The following RALYL variants were observed in gnomAD, a reference collection of about 807,000 sequenced individuals.
The protein encoded by RALYL is RALY RNA binding protein like, also known as RNA-binding Raly-like protein.
RALYL carries 29 observed loss-of-function variants against 35.1 expected under a neutral mutation model. That is an observed-to-expected ratio of 0.83 (90% confidence interval 0.61 to 1.13). The LOEUF (loss-of-function observed/expected upper bound fraction) is 1.13, where lower values mean the gene tolerates loss of function less well. RALYL is among the 50% of genes most tolerant of loss of function. The probability of loss-of-function intolerance (pLI) is 0.00; values close to 1 mark genes in which losing one functional copy is unlikely to be tolerated. For missense variants in RALYL, 359 were observed against 360.4 expected, an observed-to-expected ratio of 1.00 and a Z score of 0.03; for synonymous variants, 120 against 127.6, an observed-to-expected ratio of 0.94 and a Z score of 0.40.
intron 1 of RALYL, among the ~76,000 whole-genome samples, chr8:84,395,612 T>C (rs1861610091): frequency 6.6e-6 from 1 of 151,952 alleles, no homozygotes; most frequent in Non-Finnish European, 1.5e-5. Flanking sequence ...TTAAATAACA[T>C]TTGGCACATT....
intron 2 of RALYL, among the ~76,000 whole-genome samples, chr8:84,743,447 A>C (rs1217252540): frequency 6.6e-6 from 1 of 152,018 alleles, no homozygotes; most frequent in Non-Finnish European, 1.5e-5. Flanking sequence ...ACAAAAAAAA[A>C]AAGTGTCTCT....
chr8:84,813,163 T>C (rs1008650261), intron 4 of RALYL, among the ~76,000 whole-genome samples: 6 of 152,182 alleles, frequency 3.9e-5, no homozygotes, highest in Non-Finnish European at 8.8e-5. Flanking sequence ...TCGGAAACTT[T>C]TCTGCCACAA....
chr8:84,303,009 T>C (rs565761449), intron 1 of RALYL, among the ~76,000 whole-genome samples: 1 of 152,292 alleles, frequency 6.6e-6, no homozygotes, highest in East Asian at 1.9e-4. Flanking sequence ...AATTTTAATA[T>C]TGATGTTAAT....
chr8:84,536,758 T>G (rs2059637701), intron 2 of RALYL, among the ~76,000 whole-genome samples: 1 of 152,190 alleles, frequency 6.6e-6, no homozygotes, highest in Admixed American at 6.5e-5. Context: ...CCTCAGTGTC[T>G]AAAGAAGATA....
chr8:84,824,014 G>A (rs1204257394), intron 4 of RALYL, among the ~76,000 whole-genome samples: 1 of 152,020 alleles, frequency 6.6e-6, no homozygotes, highest in Admixed American at 6.6e-5. Flanking sequence ...GCTAGCCAGA[G>A]CAATCAGTCA....
chr8:84,424,843 C>T (rs1464921898), intron 1 of RALYL, among the ~76,000 whole-genome samples: 1 of 151,930 alleles, frequency 6.6e-6, no homozygotes, highest in Non-Finnish European at 1.5e-5. Flanking sequence ...CTGGGGGGTG[C>T]CTCCCAGTTA....
intron 2 of RALYL, among the ~76,000 whole-genome samples, chr8:84,539,589 C>A (rs2135202273): frequency 6.6e-6 from 1 of 151,984 alleles, no homozygotes; most frequent in Middle Eastern, 3.4e-3. Context: ...ATCTTTGCCT[C>A]TTCTTTGGCC....
rs1482497921 is a variant in RALYL at position 84,468,080 on chromosome 8, G to A, written c.-23-61219G>A. Reference sequence around the variant, plus strand: ...TTTCCTGAATACAGCACACTGATAGGTCTTGACTCTTTATCCAATTTGCCA... The same window carrying A: ...TTTCCTGAATACAGCACACTGATAGATCTTGACTCTTTATCCAATTTGCCA... On this transcript the variant is annotated intron_variant, in intron 1 of 8. Transcript: ENST00000521268. Among the ~76,000 whole-genome samples the A allele has an allele frequency of 1.3e-4, 20 of 151,080 alleles. No individual in the cohort carries two copies. The South Asian group carries it at 1.9e-3, about 15-fold the overall frequency.
At chr8:84,630,783 A>C (rs943046993) in intron 2 of RALYL, among the ~76,000 whole-genome samples, 4 of 152,064 alleles carry the variant, frequency 2.6e-5, no homozygotes, top group African/African-American at 7.2e-5. Context: ...ACATCTGTGA[A>C]GGAGAGTAGA....
chr8:84,772,588 T>C (rs538183657), intron 2 of RALYL, among the ~76,000 whole-genome samples: 36 of 152,206 alleles, frequency 2.4e-4, no homozygotes, highest in African/African-American at 8.4e-4. Context: ...CTTTGTCTTT[T>C]ATAGTATGTA....
chr8:84,838,024 G>C (rs370612164), intron 4 of RALYL, among the ~76,000 whole-genome samples: 2 of 152,042 alleles, frequency 1.3e-5, no homozygotes, highest in Non-Finnish European at 2.9e-5. Flanking sequence ...AACTATTAAA[G>C]TGAGAGCGAC....
intron 1 of RALYL, among the ~76,000 whole-genome samples, chr8:84,439,118 A>T (rs783506): frequency 6.6e-6 from 1 of 151,720 alleles, no homozygotes; most frequent in Non-Finnish European, 1.5e-5. Flanking sequence ...TTAATTCTGT[A>T]AAAAATGATG....
intron 2 of RALYL, among the ~76,000 whole-genome samples, chr8:84,712,659 A>G (rs1842375951): frequency 6.6e-6 from 1 of 152,092 alleles, no homozygotes; most frequent in Non-Finnish European, 1.5e-5. Context: ...ATTTATATCT[A>G]CACTTGCATA....
chr8:84,453,282 T>A (rs1422536549), intron 1 of RALYL, among the ~76,000 whole-genome samples: 1 of 151,928 alleles, frequency 6.6e-6, no homozygotes, highest in Non-Finnish European at 1.5e-5. Context: ...TAATTCTATC[T>A]CAAGAGGTGC....
At chr8:84,466,456 C>T (rs62526855) in intron 1 of RALYL, among the ~76,000 whole-genome samples, 49,017 of 146,472 alleles carry the variant, frequency 0.33, 8,222 homozygotes, top group South Asian at 0.49. Context: ...TCTTGATTTG[C>T]GTATATTGAA....
chr8:84,620,080 G>T (rs1253322686), intron 2 of RALYL, among the ~76,000 whole-genome samples: 1 of 151,938 alleles, frequency 6.6e-6, no homozygotes, highest in African/African-American at 2.4e-5. Flanking sequence ...TCTTGGAGTT[G>T]CTCTTCTCGA....
chr8:84,403,539 T>G (rs2043152671), intron 1 of RALYL, among the ~76,000 whole-genome samples: 1 of 134,644 alleles, frequency 7.4e-6, no homozygotes, highest in African/African-American at 3.2e-5. Context: ...TTTTTTTTTT[T>G]TTTTTTTTTT....
At chr8:84,679,581 A>G (rs1834940055) in intron 2 of RALYL, 1 of 440,052 alleles carries the variant, frequency 2.3e-6, no homozygotes, top group African/African-American at 2.0e-5. Context: ...AGAACAAGAA[A>G]CGCCTGCCTT....
intron 4 of RALYL, among the ~76,000 whole-genome samples, chr8:84,809,240 C>CATGT (rs1467552717): frequency 6.6e-6 from 1 of 152,112 alleles, no homozygotes; most frequent in African/African-American, 2.4e-5. Flanking sequence ...TTGAGGTTAT[C>CATGT]ATGTGATTTT....
Sources: allele counts gnomAD v4.1 joint callset (sites outside exome capture counted in the v4.1 genomes callset), GRCh38; gene constraint gnomAD v4.1.1; transcripts MANE v1.5; gene names NCBI Gene and HGNC (gene_info 2026-07-23, HGNC 2026-07-21).